Variants in SMIM31 observed in about 807,000 individuals in gnomAD.
The protein encoded by SMIM31 is human epithelial cell program regulator.
At chr4:164,764,233 C>A (rs762808340) in intron 1 of SMIM31, among the ~76,000 whole-genome samples, 64 of 151,952 alleles carry the variant, frequency 4.2e-4, no homozygotes, top group Non-Finnish European at 7.2e-4. Flanking sequence ...TTAAATGAGG[C>A]CTGACCGGCA....
intron 2 of SMIM31, among the ~76,000 whole-genome samples, chr4:164,784,080 T>C (rs1306765855): frequency 6.6e-6 from 1 of 152,130 alleles, no homozygotes; most frequent in Non-Finnish European, 1.5e-5. Context: ...ATGGTGGCCC[T>C]AAAAATAAAA....
rs1458934316 is a variant in SMIM31, at chr4:164,762,678, A to AG, written c.-25-7741_-25-7740insG. Among the ~76,000 whole-genome samples, 165 of 138,334 alleles carry AG rather than the reference A, an allele frequency of 1.2e-3. 1 individual carries two copies. Among genetic ancestry groups the AG allele is most frequent in the African/African-American group, 4.3e-3 (156 of 36,248 alleles). The allele number at this position is 138,334 out of a possible 152,430, so 90.8% of individuals were successfully genotyped here. A position where few individuals can be genotyped will look rare whatever the true frequency, so the allele number is the denominator to read the frequency against. The stretch of plus-strand genomic sequence containing the variant: ...ACTCTGTCTCAAAAAAAAAAAAAAA[A>AG]AAAAAGAAAAAGAAAAAGAAAAAGA... On this transcript the variant is annotated intron_variant, in intron 1 of 2. Transcript: ENST00000507311.
intron 1 of SMIM31, among the ~76,000 whole-genome samples, chr4:164,756,528 C>T (rs1404380354): frequency 6.0e-5 from 9 of 151,112 alleles, no homozygotes; most frequent in Non-Finnish European, 8.8e-5. Flanking sequence ...GGCGAGATCA[C>T]GTCACTGCAC....
At chr4:164,784,389 T>G (rs1002028082) in intron 2 of SMIM31, among the ~76,000 whole-genome samples, 2 of 152,230 alleles carry the variant, frequency 1.3e-5, no homozygotes, top group Admixed American at 1.3e-4. Flanking sequence ...TGGTTCTTGA[T>G]AGTATTATAT....
Position 164,756,852 on chromosome 4 carries a change from G to C in SMIM31, c.-26+2441G>C, listed in dbSNP as rs564499751. The stretch of plus-strand genomic sequence containing the variant: ...TCTTGTCAATGGACGCCTGAGTTTT[G>C]TCCAATTCTTGGCTAGTATGAATAA... On this transcript the variant is annotated intron_variant, in intron 1 of 2. Coordinates refer to ENST00000507311, the MANE Select transcript of SMIM31 (RefSeq NM_001352885.1). 2.0e-5 allele frequency among the ~76,000 whole-genome samples: 3 copies of C among 152,226 alleles called. No homozygotes were observed. The South Asian group carries it at 6.2e-4, about 32-fold the overall frequency.
chr4:164,773,995 T>C (rs368556049), intron 2 of SMIM31, among the ~76,000 whole-genome samples: 1 of 151,648 alleles, frequency 6.6e-6, no homozygotes, highest in Non-Finnish European at 1.5e-5. Flanking sequence ...TGAAACCCCG[T>C]CTCTACTAAA....
At chr4:164,799,820 C>G (rs553189137) in intron 2 of SMIM31, among the ~76,000 whole-genome samples, 2 of 152,308 alleles carry the variant, frequency 1.3e-5, no homozygotes, top group East Asian at 3.9e-4. Context: ...CAGTCTGAAG[C>G]ATGGTGTGTG....
chr4:164,790,403 G>T (rs972108159), intron 2 of SMIM31, among the ~76,000 whole-genome samples: 5 of 151,998 alleles, frequency 3.3e-5, no homozygotes, highest in African/African-American at 9.7e-5. Context: ...CACTAATAAG[G>T]TTATCTAATA....
rs565956196 is a variant in SMIM31 at position 164,768,002 on chromosome 4, G to C, written c.-25-2417G>C. 2.6e-5 allele frequency among the ~76,000 whole-genome samples: 4 copies of C among 152,184 alleles called. No homozygotes were observed. In the South Asian group the frequency reaches 8.3e-4, roughly 32 times the overall value. ...GTAATCTCAGCATTTTGGGAGGCAA[G>C]GTGGGTGATTGCTTGAACCCAGGAG... is the stretch of plus-strand genomic sequence containing the variant. On this transcript the variant is annotated intron_variant, in intron 1 of 2. Transcript: ENST00000507311.
chr4:164,779,384 G>C (rs1431072322), intron 2 of SMIM31, among the ~76,000 whole-genome samples: 1 of 152,188 alleles, frequency 6.6e-6, no homozygotes, highest in Non-Finnish European at 1.5e-5. Context: ...TCTGGATCCT[G>C]AATTGGAAGC....
chr4:164,801,189 C>A lies in SMIM31; in HGVS notation c.211C>A (p.Leu71Ile). The A allele has an allele frequency of 2.5e-6, 1 of 398,880 alleles. No homozygotes were observed. Among genetic ancestry groups the A allele is most frequent in the Non-Finnish European group, 4.4e-6 (1 of 226,024 alleles). The allele number at this position is 398,880 out of a possible 1,614,324, so 24.7% of individuals were successfully genotyped here. A position where few individuals can be genotyped will look rare whatever the true frequency, so the allele number is the denominator to read the frequency against. Residue 71 changes from leucine to isoleucine, a missense_variant, in exon 3 of 3, where the codon CTA becomes ATA. Physicochemically the swap from Leu to Ile is conservative, Grantham distance 5. Transcript: ENST00000507311. Reference sequence around the variant, plus strand: ...AGAGCACAGAATTGAAGCTGTTGAGCTATGATCTCATAGCCACCGATATTT... The same window carrying A: ...AGAGCACAGAATTGAAGCTGTTGAGATATGATCTCATAGCCACCGATATTT... Reference protein sequence around the residue: ...EEEHRIEAVEL With the variant: ...EEEHRIEAVEI
chr4:164,777,599 A>G (rs574035867), intron 2 of SMIM31, among the ~76,000 whole-genome samples: 1 of 152,310 alleles, frequency 6.6e-6, no homozygotes, highest in African/African-American at 2.4e-5. Flanking sequence ...AAGTGATAAA[A>G]TGTAAGTGAC....
rs1348952269 is a variant in SMIM31 at position 164,768,241 on chromosome 4, AAAAAAAAG to A, written c.-25-2173_-25-2166del. The stretch of plus-strand genomic sequence containing the variant: ...ACAGAGCAAGACTTTGTCACAAAAA[AAAAAAAAG>A]AAAAGAAAAGAAAAGAGAAAGAAGA... On this transcript the variant is annotated intron_variant, in intron 1 of 2. Coordinates refer to ENST00000507311, the MANE Select transcript of SMIM31 (RefSeq NM_001352885.1). 4.0e-4 allele frequency among the ~76,000 whole-genome samples: 18 copies of A among 45,222 alleles called. 1 individual carries two copies. Among genetic ancestry groups the A allele is most frequent in the Admixed American group, 2.7e-3 (9 of 3,292 alleles). 29.7% of individuals were successfully genotyped at this position (45,222 alleles called of 152,430 possible).
rs571637097 is a variant in SMIM31, at chr4:164,779,806, G to C, written c.112+9251G>C. On this transcript the variant is annotated intron_variant, in intron 2 of 2. Transcript: ENST00000507311. The stretch of plus-strand genomic sequence containing the variant: ...TTAGGGATATAGAGGAATCAATAAA[G>C]TTATGCTTTAAAAGAAGGATTATTA... Among the ~76,000 whole-genome samples the C allele has an allele frequency of 2.0e-5, 3 of 152,304 alleles. No homozygotes were observed. In the South Asian group the frequency reaches 6.2e-4, roughly 32 times the overall value.
In SMIM31 at chr4:164,794,345, T is replaced by A. The variant is rs1012850737; in HGVS notation, c.113-6746T>A. The stretch of plus-strand genomic sequence containing the variant: ...AGTGAGCCATGAATGATTGTGCCAC[T>A]GCACTCCAGTCTGGGTGACAGAATG... On this transcript the variant is annotated intron_variant, in intron 2 of 2. Transcript: ENST00000507311. Among the ~76,000 whole-genome samples the A allele has an allele frequency of 5.9e-5, 9 of 152,120 alleles. 1 individual carries two copies. The highest frequency in any genetic ancestry group is 3.9e-4 in the Admixed American group (6 of 15,280).
At chr4:164,776,512 T>C (rs1732881695) in intron 2 of SMIM31, among the ~76,000 whole-genome samples, 1 of 152,186 alleles carries the variant, frequency 6.6e-6, no homozygotes, top group African/African-American at 2.4e-5. Context: ...AGGATGGTAA[T>C]TCCTATTCAC....
intron 1 of SMIM31, among the ~76,000 whole-genome samples, chr4:164,761,176 G>C (rs1473131561): frequency 6.6e-6 from 1 of 152,084 alleles, no homozygotes; most frequent in East Asian, 1.9e-4. Flanking sequence ...TCATTTAAAA[G>C]AAAATCACAG....
intron 2 of SMIM31, among the ~76,000 whole-genome samples, chr4:164,777,637 G>A (rs1732895133): frequency 2.0e-5 from 3 of 152,140 alleles, no homozygotes. Context: ...GGATGTTCTG[G>A]GAAGGTAATG....
intron 1 of SMIM31, among the ~76,000 whole-genome samples, chr4:164,765,053 G>A (rs960368187): frequency 2.0e-5 from 3 of 152,150 alleles, no homozygotes; most frequent in African/African-American, 7.2e-5. Context: ...TGGACAAGGT[G>A]ATTTTTGATT....
Sources: allele counts gnomAD v4.1 joint callset (sites outside exome capture counted in the v4.1 genomes callset), GRCh38; gene constraint gnomAD v4.1.1; transcripts MANE v1.5; gene names NCBI Gene and HGNC (gene_info 2026-07-23, HGNC 2026-07-21).